The following VPS13A variants were observed in gnomAD, a reference collection of about 807,000 sequenced individuals.
VPS13A encodes the protein vacuolar protein sorting 13 homolog A.
Under a neutral mutation model 390.9 loss-of-function variants are expected in VPS13A, and 264 were observed. The observed-to-expected ratio is 0.68, with a 90% CI of 0.61 to 0.75. The LOEUF is 0.75. Among genes scored for constraint, VPS13A ranks in the 30% least tolerant of loss-of-function variants. VPS13A has a pLI of 0.00. For missense variants in VPS13A, 3,409 were observed against 3,733.9 expected, an observed-to-expected ratio of 0.91 and a Z score of 2.27; for synonymous variants, 1,231 against 1,227.1, an observed-to-expected ratio of 1.00 and a Z score of -0.07.
chr9:77,344,024 A>G (rs943293133), intron 50 of VPS13A, 129 bp from the exon 51 acceptor site: 14 of 840,756 alleles, frequency 1.7e-5, no homozygotes, highest in African/African-American at 1.2e-4. Context: ...TAAACAACCC[A>G]ATAACTAGAG....
intron 22 of VPS13A, among the ~76,000 whole-genome samples, chr9:77,256,705 T>C (rs1825467055): frequency 6.6e-6 from 1 of 152,188 alleles, no homozygotes. Context: ...TTGTTATGTC[T>C]TCTTGGTGAA....
chr9:77,388,954 C>G (rs759659941), intron 68 of VPS13A, among the ~76,000 whole-genome samples: 6 of 152,214 alleles, frequency 3.9e-5, no homozygotes, highest in Non-Finnish European at 7.4e-5. Context: ...GACATTGATT[C>G]TCAGTTGACA....
intron 23 of VPS13A, among the ~76,000 whole-genome samples, chr9:77,265,605 CT>C (rs1421013007): frequency 6.6e-6 from 1 of 152,128 alleles, no homozygotes; most frequent in East Asian, 1.9e-4. Context: ...ATAGTATTCT[CT>C]GATAGTAGTT....
intron 33 of VPS13A, among the ~76,000 whole-genome samples, chr9:77,298,296 T>C (rs1828130365): frequency 6.6e-6 from 1 of 152,174 alleles, no homozygotes; most frequent in African/African-American, 2.4e-5. Context: ...TAGTAATAAT[T>C]TGTGCTAGTC....
chr9:77,397,527 C>CT (rs1210279016), intron 68 of VPS13A, among the ~76,000 whole-genome samples: 2 of 152,024 alleles, frequency 1.3e-5, no homozygotes, highest in Non-Finnish European at 2.9e-5. Flanking sequence ...TATTTTTAAT[C>CT]TTTTCATATT....
rs1832091497 is a variant in VPS13A, at chr9:77,360,662, A to G, written c.8211+21A>G. 4.0e-6 allele frequency: 6 copies of G among 1,515,326 alleles called. No individual in the cohort carries two copies. In the Admixed American group the frequency reaches 1.0e-4, roughly 25 times the overall value. The allele number at this position is 1,515,326 out of a possible 1,614,324, so 93.9% of individuals were successfully genotyped here. On this transcript the variant is annotated intron_variant, in intron 59 of 71. Coordinates refer to ENST00000360280, the MANE Select transcript of VPS13A (RefSeq NM_033305.3). ...CAGAGGTAAGACTTAAAATAATAAC[A>G]TTTGATGGAAAGGATTAGGGAAAAG...
intron 23 of VPS13A, 22 bp downstream of exon 23, chr9:77,260,246 A>G (rs1223548986): frequency 5.6e-6 from 9 of 1,609,978 alleles, no homozygotes; most frequent in Non-Finnish European, 7.6e-6. Context: ...TTCAAAATTA[A>G]TATAAGCATG....
chr9:77,368,931 C>T (rs1306065835), intron 62 of VPS13A, among the ~76,000 whole-genome samples: 1 of 152,086 alleles, frequency 6.6e-6, no homozygotes, highest in Non-Finnish European at 1.5e-5. Flanking sequence ...GCCAGGAGTT[C>T]GAGACCACCC....
intron 46 of VPS13A, among the ~76,000 whole-genome samples, chr9:77,337,020 A>G (rs540692376): frequency 8.0e-4 from 121 of 151,774 alleles, no homozygotes; most frequent in African/African-American, 2.9e-3. Context: ...GATGGTCTCA[A>G]TCTCCTGACC....
In VPS13A at chr9:77,260,133, A is replaced by G; in HGVS notation, c.2336A>G (p.Asp779Gly). 6.3e-7 allele frequency: 1 copy of G among 1,584,970 alleles called. No individual in the cohort carries two copies. The highest frequency in any genetic ancestry group is 8.7e-7 in the Non-Finnish European group (1 of 1,154,622). The change falls in exon 23 of 72, where the codon GAT (aspartate) becomes GGT (glycine). Residue 779 changes from aspartate (D) to glycine (G), a missense_variant. By Grantham distance (94) the Asp-to-Gly change is moderately conservative. This residue lies in a region of VPS13A where 2,717 missense variants were observed against 2,917.4 expected (regional missense o/e 0.93). Transcript: ENST00000360280. Reference sequence around the variant, plus strand: ...CCTCTTATTTCTTTACGAATCTCAGATAAAAAACTACAAGGGATTATGGAA... The same window carrying G: ...CCTCTTATTTCTTTACGAATCTCAGGTAAAAAACTACAAGGGATTATGGAA... ...KLPLISLRIS[D>G]KKLQGIMELI...
At chr9:77,315,715 T>C (rs1829342776) in intron 38 of VPS13A, among the ~76,000 whole-genome samples, 2 of 152,152 alleles carry the variant, frequency 1.3e-5, no homozygotes, top group Admixed American at 6.5e-5. Context: ...ATTGTACTTC[T>C]CTTCAGGCAG....
chr9:77,301,692 T>C (rs1828364355), intron 33 of VPS13A, among the ~76,000 whole-genome samples: 1 of 152,208 alleles, frequency 6.6e-6, no homozygotes, highest in South Asian at 2.1e-4. Context: ...CATTGTTACT[T>C]GAAGGGGTTC....
chr9:77,313,958 T>C, intron 35 of VPS13A, 34 bp from the exon 36 acceptor site: 2 of 1,590,122 alleles, frequency 1.3e-6, no homozygotes, highest in Non-Finnish European at 1.7e-6. Flanking sequence ...TTTCATGATA[T>C]TTTCTTTTAT....
At chr9:77,183,150 C>T (rs1338738559) in intron 1 of VPS13A, among the ~76,000 whole-genome samples, 1 of 152,172 alleles carries the variant, frequency 6.6e-6, no homozygotes, top group Non-Finnish European at 1.5e-5. Context: ...GGAGATTTTA[C>T]AGTGCCTCTC....
chr9:77,312,288 T>G (rs1264842931), intron 35 of VPS13A, among the ~76,000 whole-genome samples: 2 of 152,170 alleles, frequency 1.3e-5, no homozygotes, highest in Non-Finnish European at 2.9e-5. Flanking sequence ...GTATGTATCT[T>G]TTATCCAGAG....
intron 17 of VPS13A, among the ~76,000 whole-genome samples, chr9:77,232,179 GTT>G (rs1370304315): frequency 6.6e-6 from 1 of 152,108 alleles, no homozygotes; most frequent in Admixed American, 6.5e-5. Flanking sequence ...TTTTTAGTAA[GTT>G]TTGAAATTGG....
chr9:77,403,163 C>G, intron 68 of VPS13A, 73 bp from the exon 69 acceptor site: 1 of 1,046,926 alleles, frequency 9.6e-7, no homozygotes, highest in Non-Finnish European at 1.5e-6. Flanking sequence ...TTTTAGAGGA[C>G]TATAAGGCAT....
chr9:77,351,605 T>A (rs936755531), intron 53 of VPS13A, among the ~76,000 whole-genome samples, 159 bp downstream of exon 53: 1 of 152,144 alleles, frequency 6.6e-6, no homozygotes, highest in East Asian at 1.9e-4. Flanking sequence ...ACCCTGTCTC[T>A]CCTAAAAATA....
intron 35 of VPS13A, among the ~76,000 whole-genome samples, chr9:77,311,181 C>T (rs761147592): frequency 6.6e-6 from 1 of 152,222 alleles, no homozygotes; most frequent in African/African-American, 2.4e-5. Context: ...GCCTCGGTCT[C>T]CCAAAGTGCT....
Sources: allele counts gnomAD v4.1 joint callset (sites outside exome capture counted in the v4.1 genomes callset), GRCh38; gene constraint gnomAD v4.1.1; regional missense constraint gnomAD v4.1.1; transcripts MANE v1.5; gene names NCBI Gene and HGNC (gene_info 2026-07-23, HGNC 2026-07-21).